The following TNNI3K variants were observed in gnomAD, a reference collection of about 807,000 sequenced individuals.
TNNI3K encodes serine/threonine-protein kinase TNNI3K.
TNNI3K carries 140 observed loss-of-function variants against 114.5 expected under a neutral mutation model. The ratio of observed to expected loss-of-function variants is 1.22; its 90% CI spans 1.07 to 1.41. The LOEUF is 1.41. Among genes scored for constraint, TNNI3K ranks in the 40% most tolerant of loss-of-function variants. TNNI3K has a pLI of 0.00. For synonymous variants in TNNI3K, 347 were observed against 347.5 expected, an observed-to-expected ratio of 1.00 and a Z score of 0.02; for missense variants, 1,125 against 1,007.6, an observed-to-expected ratio of 1.12 and a Z score of -1.58.
intron 2 of TNNI3K, among the ~76,000 whole-genome samples, chr1:74,236,571 G>C (rs1312648335): frequency 1.3e-5 from 2 of 151,752 alleles, no homozygotes; most frequent in African/African-American, 2.4e-5. Flanking sequence ...CCACATAGTG[G>C]TCGCATATTG....
chr1:74,321,576 A>G (rs755839296), intron 5 of TNNI3K, among the ~76,000 whole-genome samples: 23 of 151,912 alleles, frequency 1.5e-4, no homozygotes, highest in Non-Finnish European at 3.2e-4. Flanking sequence ...CTTCCTGAGA[A>G]GTGATGCTAA....
intron 9 of TNNI3K, among the ~76,000 whole-genome samples, chr1:74,352,478 A>G (rs941696300): frequency 5.1e-4 from 78 of 152,320 alleles, no homozygotes; most frequent in African/African-American, 1.6e-3. Context: ...TGGGAGAACC[A>G]CTACTCTCTT....
At chr1:74,374,604 C>A (rs977088382) in intron 17 of TNNI3K, 1 of 151,964 alleles carries the variant, frequency 6.6e-6, no homozygotes, top group East Asian at 1.9e-4. Flanking sequence ...CAAACAATTT[C>A]TCATATCATC....
chr1:74,498,843 G>A (rs547990118), intron 23 of TNNI3K, among the ~76,000 whole-genome samples: 4 of 152,132 alleles, frequency 2.6e-5, no homozygotes, highest in African/African-American at 4.8e-5. Flanking sequence ...TTCATTCCCT[G>A]TGTGTTTTTT....
At chr1:74,353,585 C>A (rs45468891) in intron 10 of TNNI3K, among the ~76,000 whole-genome samples, 3,257 of 151,198 alleles carry the variant, frequency 0.022, 116 homozygotes, top group African/African-American at 0.073. Context: ...TCAGTGCATC[C>A]TCTTATGGCC....
At chr1:74,492,393 T>C (rs1174506671) in intron 23 of TNNI3K, 127 bp downstream of exon 23, 3 of 1,235,828 alleles carry the variant, frequency 2.4e-6, no homozygotes, top group African/African-American at 1.5e-5. Context: ...AGAGGAGTTT[T>C]CAGCCCATTT....
intron 11 of TNNI3K, among the ~76,000 whole-genome samples, chr1:74,365,219 A>G (rs555759405): frequency 1.7e-4 from 26 of 152,226 alleles, no homozygotes; most frequent in African/African-American, 6.0e-4. Context: ...TAACCTGTAG[A>G]TGACGATCTT....
intron 24 of TNNI3K, among the ~76,000 whole-genome samples, chr1:74,541,228 A>T (rs1194883673): frequency 6.6e-6 from 1 of 152,188 alleles, no homozygotes; most frequent in African/African-American, 2.4e-5. Context: ...CGGCTTTGGG[A>T]TCCTCACCAA....
intron 23 of TNNI3K, among the ~76,000 whole-genome samples, chr1:74,493,748 T>C (rs907103451): frequency 2.6e-5 from 4 of 152,270 alleles, no homozygotes; most frequent in African/African-American, 4.8e-5. Context: ...CTACCTGGGG[T>C]ATATTCTTCT....
chr1:74,478,361 T>C (rs935151239), intron 21 of TNNI3K, among the ~76,000 whole-genome samples: 2 of 152,216 alleles, frequency 1.3e-5, no homozygotes, highest in Non-Finnish European at 2.9e-5. Context: ...AAGCTCCCAG[T>C]CATTTTGACA....
chr1:74,305,554 G>A (rs559144963), intron 5 of TNNI3K, among the ~76,000 whole-genome samples: 2 of 152,292 alleles, frequency 1.3e-5, no homozygotes, highest in East Asian at 3.9e-4. Flanking sequence ...TTTCTGCCAA[G>A]TGGAAGGGGC....
chr1:74,465,150 C>T (rs1254031484), intron 21 of TNNI3K, among the ~76,000 whole-genome samples: 1 of 152,236 alleles, frequency 6.6e-6, no homozygotes, highest in Admixed American at 6.5e-5. Context: ...ACTCTCGGGG[C>T]CTCCTTGGCC....
intron 20 of TNNI3K, among the ~76,000 whole-genome samples, chr1:74,450,308 G>T (rs1249689291): frequency 6.6e-6 from 1 of 151,714 alleles, no homozygotes; most frequent in Non-Finnish European, 1.5e-5. Flanking sequence ...AAGCAGGAAA[G>T]ATCCAAAATT....
intron 22 of TNNI3K, 56 bp from the exon 23 acceptor site, chr1:74,492,041 T>C (rs1669104166): frequency 1.4e-6 from 2 of 1,384,318 alleles, no homozygotes; most frequent in African/African-American, 1.4e-5. Context: ...TTTTATGTTA[T>C]GTCTTCACAC....
At chr1:74,369,700 A>G in intron 16 of TNNI3K, 115 bp downstream of exon 16, 1 of 1,214,080 alleles carries the variant, frequency 8.2e-7, no homozygotes, top group Non-Finnish European at 1.1e-6. Context: ...GAGTGCTGCT[A>G]GCAAGTGTGT....
chr1:74,489,858 A>G (rs1668965093), intron 22 of TNNI3K, among the ~76,000 whole-genome samples: 1 of 152,080 alleles, frequency 6.6e-6, no homozygotes, highest in Non-Finnish European at 1.5e-5. Flanking sequence ...CATGCACACT[A>G]CTTGAAAAAT....
At chr1:74,304,359 C>A (rs1570442196) in intron 5 of TNNI3K, among the ~76,000 whole-genome samples, 1 of 152,172 alleles carries the variant, frequency 6.6e-6, no homozygotes, top group South Asian at 2.1e-4. Context: ...AAGGCAGGAT[C>A]TTATAGGCAA....
intron 22 of TNNI3K, among the ~76,000 whole-genome samples, chr1:74,491,017 T>A (rs1349689141): frequency 6.6e-6 from 1 of 152,164 alleles, no homozygotes; most frequent in Non-Finnish European, 1.5e-5. Context: ...AAGATATGAT[T>A]AGTCTTGTTC....
At chr1:74,393,048 A>G (rs892685704) in intron 17 of TNNI3K, among the ~76,000 whole-genome samples, 8 of 152,320 alleles carry the variant, frequency 5.3e-5, no homozygotes, top group African/African-American at 1.9e-4. Context: ...GTGGCAAATA[A>G]TCAGCATGGC....
Sources: allele counts gnomAD v4.1 joint callset (sites outside exome capture counted in the v4.1 genomes callset), GRCh38; gene constraint gnomAD v4.1.1; transcripts MANE v1.5; gene names NCBI Gene and HGNC (gene_info 2026-07-23, HGNC 2026-07-21).